The following PHIP variants were observed in gnomAD, a reference collection of about 807,000 sequenced individuals.
PHIP encodes PHIP subunit of CUL4-Ring ligase complex, also known as PH-interacting protein.
PHIP carries 54 observed loss-of-function variants against 236.8 expected under a neutral mutation model. That is an observed-to-expected ratio of 0.23 (90% CI 0.18 to 0.29). PHIP has a LOEUF of 0.29. Among genes scored for constraint, PHIP ranks in the 10% least tolerant of loss-of-function variants. The pLI is 1.00. For missense variants in PHIP, 1,370 were observed against 2,190.8 expected, an observed-to-expected ratio of 0.63 and a Z score of 7.48; for synonymous variants, 756 against 718.9, an observed-to-expected ratio of 1.05 and a Z score of -0.83.
chr6:78,957,175 T>C (rs1451466165), intron 32 of PHIP: 2 of 152,064 alleles, frequency 1.3e-5, no homozygotes, highest in Non-Finnish European at 2.9e-5. Context: ...GAAATACATT[T>C]CACAGACTTT....
Position 79,039,947 on chromosome 6 carries a change from A to G in PHIP, c.600+2896T>C, listed in dbSNP as rs148720565. ...GCACCCATTCTTAAAATACTGTCAT[A>G]CAAAATAATGATACATTTTCCTAAT... On this transcript the variant is annotated intron_variant, in intron 7 of 39. Coordinates refer to ENST00000275034, the MANE Select transcript of PHIP (RefSeq NM_017934.7). 5.5e-3 allele frequency among the ~76,000 whole-genome samples: 836 copies of G among 152,286 alleles called. 6 individuals are homozygous for G. The highest frequency in any genetic ancestry group is 0.02 in the African/African-American group (811 of 41,574).
intron 6 of PHIP, among the ~76,000 whole-genome samples, chr6:79,054,284 C>G (rs1295008009): frequency 6.8e-6 from 1 of 146,242 alleles, no homozygotes; most frequent in African/African-American, 2.5e-5. Context: ...TCAGGGAAAA[C>G]ACTAAAAAAC....
At chr6:79,015,331 A>C (rs117818340) in intron 14 of PHIP, 115 bp from the exon 15 acceptor site, 118 of 840,926 alleles carry the variant, frequency 1.4e-4, no homozygotes, top group Non-Finnish European at 2.1e-4. Context: ...AGAAGTATTA[A>C]ATTGGCAAAA....
At chr6:79,022,747 T>G (rs999243666) in intron 9 of PHIP, among the ~76,000 whole-genome samples, 1 of 152,200 alleles carries the variant, frequency 6.6e-6, no homozygotes, top group African/African-American at 2.4e-5. Context: ...CTTAGCCACT[T>G]AGACTACCCA....
Position 78,935,533 on chromosome 6 carries a change from A to C in PHIP, c.*5160T>G. On this transcript the variant is annotated 3_prime_UTR_variant, in exon 40 of 40. Coordinates refer to ENST00000275034, the MANE Select transcript of PHIP (RefSeq NM_017934.7). ...ATGTATCTCTTACGAAAGTATCTGA[A>C]TAGTGAAGTATTTATCACTCATCAC... 1.0e-6 allele frequency: 1 copy of C among 969,700 alleles called. No individual in the cohort carries two copies. Among genetic ancestry groups the C allele is most frequent in the Non-Finnish European group, 1.2e-6 (1 of 815,722 alleles). The allele number at this position is 969,700 out of a possible 1,614,324, so 60.1% of individuals were successfully genotyped here.
chr6:78,963,138 C>T lies in PHIP; in HGVS notation c.3494G>A (p.Cys1165Tyr). The change falls in exon 30 of 40, where the codon TGT becomes TAT. Residue 1165 changes from cysteine (C) to tyrosine (Y), a missense_variant. Around this residue, in one of 14 missense-constraint regions of PHIP, gnomAD observed 238 missense variants for 398.5 expected, o/e 0.60. Coordinates refer to ENST00000275034, the MANE Select transcript of PHIP (RefSeq NM_017934.7). ...EWGTNPRDEECERIVAGINQL... is the reference protein window; with the variant it reads ...EWGTNPRDEEYERIVAGINQL... ...GTTTATTCCTGCCACAATTCTTTCA[C>T]ATTCTTCATCCCTGGGATTGGTACC... 6.2e-7 allele frequency: 1 copy of T among 1,608,604 alleles called. No homozygotes were observed.
intron 24 of PHIP, among the ~76,000 whole-genome samples, chr6:78,973,746 C>T (rs1401991840): frequency 7.9e-5 from 12 of 151,906 alleles, no homozygotes; most frequent in Non-Finnish European, 1.6e-4. Flanking sequence ...ATAAAACAGA[C>T]TTTAAACCAA....
chr6:78,969,809 C>A (rs757641669), intron 27 of PHIP, 26 bp downstream of exon 27: 7 of 1,139,988 alleles, frequency 6.1e-6, no homozygotes. Context: ...CATCAAACAT[C>A]GATAGCTTCT....
intron 4 of PHIP, among the ~76,000 whole-genome samples, chr6:79,071,610 G>T (rs1433626782): frequency 6.6e-6 from 1 of 152,084 alleles, no homozygotes; most frequent in Non-Finnish European, 1.5e-5. Context: ...AAGTAAAAGT[G>T]CATTAAAATA....
At chr6:79,046,815 G>A (rs1772514606) in intron 6 of PHIP, among the ~76,000 whole-genome samples, 1 of 151,442 alleles carries the variant, frequency 6.6e-6, no homozygotes, top group South Asian at 2.1e-4. Context: ...GACGGAGGTT[G>A]CCATAAGTTG....
At chr6:78,959,476 G>A (rs1305534011) in intron 31 of PHIP, among the ~76,000 whole-genome samples, 4 of 152,040 alleles carry the variant, frequency 2.6e-5, no homozygotes, top group Non-Finnish European at 5.9e-5. Context: ...TACCAGCAGG[G>A]CAAACTGACA....
In PHIP at chr6:79,078,157, G is replaced by T; in HGVS notation, c.-89C>A. The T allele has an allele frequency of 7.5e-7, 1 of 1,331,714 alleles. No individual in the cohort carries two copies. The highest frequency in any genetic ancestry group is 1.0e-6 in the Non-Finnish European group (1 of 952,614). 82.5% of individuals were successfully genotyped at this position (1,331,714 alleles called of 1,614,324 possible). A position where few individuals can be genotyped will look rare whatever the true frequency, so the allele number is the denominator to read the frequency against. On this transcript the variant is annotated 5_prime_UTR_variant, in exon 1 of 40. It adds an upstream start codon to the 5' untranslated region. Coordinates refer to ENST00000275034, the MANE Select transcript of PHIP (RefSeq NM_017934.7). ...GCCGCCGCCTGCCCTATAGCTGTCAGTGTGTGTTCACGAGCCGAGCTTCGG... is the reference window on the plus strand; with the variant it reads ...GCCGCCGCCTGCCCTATAGCTGTCATTGTGTGTTCACGAGCCGAGCTTCGG...
chr6:78,985,318 A>G (rs375570196), intron 22 of PHIP, 34 bp downstream of exon 22: 15 of 1,188,318 alleles, frequency 1.3e-5, no homozygotes, highest in Non-Finnish European at 1.6e-5. Context: ...AAGACTTTAT[A>G]TAACATTTGG....
In PHIP at chr6:79,060,760, C is replaced by A. The variant is rs762292016; in HGVS notation, c.248G>T (p.Gly83Val). 6.2e-7 allele frequency: 1 copy of A among 1,612,732 alleles called. No homozygotes were observed. Among genetic ancestry groups the A allele is most frequent in the South Asian group, 1.1e-5 (1 of 91,060 alleles). ...DHLLQICHRL[G>V]PLLEQEIPQS... ...AGGAATTTCTTGTTCAAGAAGAGGTCCTAGTCGATGACATATTTGCAGCAA... is the reference window on the plus strand; with the variant it reads ...AGGAATTTCTTGTTCAAGAAGAGGTACTAGTCGATGACATATTTGCAGCAA... The change falls in exon 5 of 40, where the codon GGA becomes GTA. Residue 83 changes from glycine to valine, a missense_variant. Transcript: ENST00000275034.
chr6:79,040,669 G>A (rs935760144), intron 7 of PHIP, among the ~76,000 whole-genome samples: 10 of 152,000 alleles, frequency 6.6e-5, no homozygotes, highest in Non-Finnish European at 1.5e-4. Context: ...CTTTATTAAT[G>A]AGCAATATGA....
At chr6:78,942,930 A>G (rs777125283) in intron 39 of PHIP, among the ~76,000 whole-genome samples, 11 of 152,220 alleles carry the variant, frequency 7.2e-5, no homozygotes, top group African/African-American at 2.2e-4. Flanking sequence ...CTTAAAAAGG[A>G]ATTCAGAAGT....
intron 17 of PHIP, among the ~76,000 whole-genome samples, chr6:79,000,939 C>T (rs9443636): frequency 0.094 from 14,310 of 151,986 alleles, 787 homozygotes; most frequent in Middle Eastern, 0.14. Flanking sequence ...CCCCTTCTAT[C>T]CAGTATGTCC....
At chr6:78,992,997 G>A (rs912792897) in intron 19 of PHIP, among the ~76,000 whole-genome samples, 1 of 152,228 alleles carries the variant, frequency 6.6e-6, no homozygotes, top group Admixed American at 6.5e-5. Flanking sequence ...GCTCTTGAAG[G>A]AAGTTAAATA....
At chr6:79,024,230 A>G (rs559277425) in intron 9 of PHIP, among the ~76,000 whole-genome samples, 2 of 152,332 alleles carry the variant, frequency 1.3e-5, no homozygotes, top group East Asian at 1.9e-4. Context: ...GTTGCATTAC[A>G]AACAATTATC....
Sources: gnomAD v4.1 joint callset for allele counts (sites outside exome capture counted in the v4.1 genomes callset) on GRCh38, gnomAD v4.1.1 for gene constraint, gnomAD v4.1.1 regional missense constraint, MANE v1.5 for transcripts, NCBI Gene and HGNC (gene_info 2026-07-23, HGNC 2026-07-21) for gene names.